IKZF4: variants seen among roughly 807,000 people sequenced by gnomAD.
The protein encoded by IKZF4 is zinc finger protein Eos.
IKZF4 carries 11 observed loss-of-function variants against 47.7 expected under a neutral mutation model. The ratio of observed to expected loss-of-function variants is 0.23; its 90% CI spans 0.15 to 0.38. The LOEUF is 0.38. Among genes scored for constraint, IKZF4 ranks in the 10% least tolerant of loss-of-function variants. The probability of loss-of-function intolerance (pLI) is 1.00; values close to 1 mark genes in which losing one functional copy is unlikely to be tolerated. For synonymous variants in IKZF4, 298 were observed against 299.4 expected, an observed-to-expected ratio of 1.00 and a Z score of 0.05; for missense variants, 557 against 784.9, an observed-to-expected ratio of 0.71 and a Z score of 3.47.
intron 7 of IKZF4, among the ~76,000 whole-genome samples, chr12:56,033,639 G>A (rs561260972): frequency 5.9e-4 from 90 of 152,172 alleles, no homozygotes; most frequent in African/African-American, 1.3e-3. Flanking sequence ...CCTGGGAGGC[G>A]GAGCTTGCAG....
intron 7 of IKZF4, among the ~76,000 whole-genome samples, 162 bp downstream of exon 7, chr12:56,033,483 A>G (rs1455702818): frequency 2.0e-5 from 3 of 152,272 alleles, no homozygotes; most frequent in South Asian, 2.1e-4. Context: ...CAAGGTGGGC[A>G]GATCAAGAGG....
chr12:56,030,295 T>A (rs1173221936), intron 5 of IKZF4, among the ~76,000 whole-genome samples: 1 of 151,240 alleles, frequency 6.6e-6, no homozygotes, highest in Admixed American at 6.6e-5. Context: ...CTAGGTGTGG[T>A]GGCACACACC....
rs1381502739 is a variant in IKZF4 at position 56,032,568 on chromosome 12, T to A, written c.723T>A (p.Ser241=). ...TGHLRTHSVS[S]PTVGKPYKCN... is the part of the protein sequence containing the mutation. The stretch of plus-strand genomic sequence containing the variant: ...TTCCACTCTCCTCCACAGTCTCCTC[T>A]CCCACAGTGGGCAAGCCCTACAAGT... The change falls in exon 6 of 8, where the codon TCT becomes TCA. Residue 241 remains serine (S), a synonymous_variant. Transcript: ENST00000547167. The A allele has an allele frequency of 6.2e-7, 1 of 1,612,456 alleles. No individual in the cohort carries two copies.
At position 56,021,317 on chromosome 12, in the gene IKZF4, CTCA is replaced by C; in HGVS notation, c.-176_-174del. On this transcript the variant is annotated 5_prime_UTR_variant, in exon 1 of 8. Transcript: ENST00000547167. Reference sequence around the variant, plus strand: ...TCTCACACACACACACACACACACACTCAACACACATACACCCTGGGCTGAGCT... The same window carrying C: ...TCTCACACACACACACACACACACACACACACATACACCCTGGGCTGAGCT... The C allele has an allele frequency of 7.2e-6, 11 of 1,524,776 alleles. No homozygotes were observed. The highest frequency in any genetic ancestry group is 2.0e-5 in the Admixed American group (1 of 50,158). The allele number at this position is 1,524,776 out of a possible 1,614,324, so 94.5% of individuals were successfully genotyped here. A position where few individuals can be genotyped will look rare whatever the true frequency, so the allele number is the denominator to read the frequency against.
chr12:56,030,350 G>A (rs916239421), intron 5 of IKZF4, among the ~76,000 whole-genome samples: 9 of 151,766 alleles, frequency 5.9e-5, no homozygotes, highest in African/African-American at 1.9e-4. Context: ...AGGATCACTT[G>A]AACCTGGGAG....
Position 56,034,585 on chromosome 12 carries a change from C to G in IKZF4, c.1012C>G (p.Arg338Gly), listed in dbSNP as rs775496873. 7 of 1,607,116 alleles carry G rather than the reference C, an allele frequency of 4.4e-6. No individual in the cohort carries two copies. The highest frequency in any genetic ancestry group is 8.5e-7 in the Non-Finnish European group (1 of 1,175,648). ...PQKFVGEKQM[R>G]FSLSDLPYDV... ...GTTCTCCACAGGCGAAAAGCAGATG[C>G]GCTTCAGCCTCTCAGACCTCCCCTA... Residue 338 changes from arginine to glycine, a missense_variant, in exon 8 of 8, where the codon CGC (arginine) becomes GGC (glycine). Arg to Gly is a moderately radical substitution (Grantham distance 125). Transcript: ENST00000547167.
At chr12:56,020,961 C>T, upstream of IKZF4, 1 of 1,017,236 alleles carries the variant, frequency 9.8e-7, no homozygotes, top group South Asian at 4.1e-5. Context: ...CCCCAGCTGG[C>T]AGAGGATTGG....
At chr12:56,022,178 T>A (rs959023390) in intron 1 of IKZF4, among the ~76,000 whole-genome samples, 4 of 152,204 alleles carry the variant, frequency 2.6e-5, no homozygotes, top group Non-Finnish European at 5.9e-5. Context: ...GGCTATTCCC[T>A]AGATGTAGCC....
upstream of IKZF4, among the ~76,000 whole-genome samples, chr12:56,017,223 T>TCC (rs143740090): frequency 2.3e-3 from 280 of 122,490 alleles, 1 homozygote; most frequent in African/African-American, 7.4e-3. Context: ...AAATTCAGAC[T>TCC]CCCCCCCCGC....
chr12:56,024,433 T>C (rs1366961629), intron 2 of IKZF4, among the ~76,000 whole-genome samples: 1 of 152,210 alleles, frequency 6.6e-6, no homozygotes, highest in Non-Finnish European at 1.5e-5. Flanking sequence ...TATGTAACCT[T>C]AGACAACTAA....
intron 1 of IKZF4, among the ~76,000 whole-genome samples, chr12:56,010,957 A>G (rs1190430047): frequency 6.6e-6 from 1 of 152,170 alleles, no homozygotes; most frequent in Non-Finnish European, 1.5e-5. Context: ...TTTGATCAGC[A>G]TGTATTAGGG....
intron 7 of IKZF4, among the ~76,000 whole-genome samples, chr12:56,034,148 G>A (rs1462080325): frequency 3.3e-5 from 5 of 152,056 alleles, no homozygotes; most frequent in Admixed American, 6.6e-5. Context: ...TGATCTGCCC[G>A]CCTCAGCCTC....
intron 1 of IKZF4, among the ~76,000 whole-genome samples, chr12:56,022,199 G>A (rs1278165225): frequency 6.6e-6 from 1 of 152,138 alleles, no homozygotes; most frequent in African/African-American, 2.4e-5. Flanking sequence ...ACTATTTAAA[G>A]GTCTCAAGGA....
At position 56,023,682 on chromosome 12, in the gene IKZF4, T is replaced by A. The variant is rs745340722; in HGVS notation, c.99T>A (p.Asp33Glu). The change falls in exon 2 of 8, where the codon GAT becomes GAA. Residue 33 changes from aspartate (D) to glutamate (E), a missense_variant. Transcript: ENST00000547167. Reference protein sequence around the residue: ...HRQGKDNLERDPSGGCVPDFL... With the variant: ...HRQGKDNLEREPSGGCVPDFL... ...CCCACTGACCAAAGCTGGAGAGGGATCCCTCAGGAGGGTGTGTTCCGGATT... is the reference window on the plus strand; with the variant it reads ...CCCACTGACCAAAGCTGGAGAGGGAACCCTCAGGAGGGTGTGTTCCGGATT... 1.2e-6 allele frequency: 2 copies of A among 1,613,906 alleles called. No homozygotes were observed. Among genetic ancestry groups the A allele is most frequent in the South Asian group, 1.1e-5 (1 of 91,064 alleles).
intron 1 of IKZF4, 173 bp downstream of exon 1, chr12:56,021,753 CCTT>C (rs1351926717): frequency 1.0e-6 from 1 of 992,226 alleles, no homozygotes; most frequent in African/African-American, 1.7e-5. Context: ...GGGCGTTCCT[CCTT>C]ATACTTGCGG....
At chr12:56,024,812 T>G in intron 2 of IKZF4, 1 of 1,359,988 alleles carries the variant, frequency 7.4e-7, no homozygotes, top group Non-Finnish European at 9.5e-7. Context: ...GTGATGCTCT[T>G]GCCCTCAGGC....
chr12:56,026,680 A>C, intron 3 of IKZF4, 101 bp from the exon 4 acceptor site: 1 of 1,273,034 alleles, frequency 7.9e-7, no homozygotes, highest in Non-Finnish European at 1.0e-6. Context: ...CAAGAGCGAA[A>C]TTCCATCTCA....
intron 2 of IKZF4, chr12:56,011,534 C>T (rs549593820): frequency 6.6e-6 from 1 of 152,284 alleles, no homozygotes; most frequent in South Asian, 2.1e-4. Context: ...GTTTTCAGCT[C>T]TTACCCCTTT....
At chr12:56,017,580 TG>T (rs1418694971), upstream of IKZF4, among the ~76,000 whole-genome samples, 1 of 152,144 alleles carries the variant, frequency 6.6e-6, no homozygotes, top group Non-Finnish European at 1.5e-5. Flanking sequence ...AGGACCACTC[TG>T]GATTAAGATA....
Sources: allele counts gnomAD v4.1 joint callset (sites outside exome capture counted in the v4.1 genomes callset), GRCh38; gene constraint gnomAD v4.1.1; transcripts MANE v1.5; gene names NCBI Gene and HGNC (gene_info 2026-07-23, HGNC 2026-07-21).